Variants in OSMR observed in about 807,000 individuals in gnomAD.
The protein encoded by OSMR is oncostatin M receptor.
A neutral mutation model predicts 99.9 loss-of-function variants in OSMR; 81 were observed. The observed-to-expected ratio is 0.81, with a 90% CI of 0.68 to 0.97. OSMR has a LOEUF of 0.97. OSMR is among the 50% of genes least tolerant of loss of function. The pLI, the probability that OSMR is intolerant of heterozygous loss-of-function variation, is 0.00. For synonymous variants in OSMR, 406 were observed against 410.4 expected, an observed-to-expected ratio of 0.99 and a Z score of 0.13; for missense variants, 1,099 against 1,153.4, an observed-to-expected ratio of 0.95 and a Z score of 0.68.
In OSMR at chr5:38,932,002, A is replaced by G. The variant is rs760285180; in HGVS notation, c.2294+38A>G. The G allele has an allele frequency of 2.1e-6, 3 of 1,436,682 alleles. No individual in the cohort carries two copies. In the East Asian group the frequency reaches 6.8e-5, roughly 33 times the overall value. The allele number at this position is 1,436,682 out of a possible 1,614,324, so 89.0% of individuals were successfully genotyped here. On this transcript the variant is annotated intron_variant, in intron 16 of 17. Coordinates refer to ENST00000274276, the MANE Select transcript of OSMR (RefSeq NM_003999.3). ...GGAAGGTTTTATCCAAGAAGAGAGT[A>G]AGAGAAAAGTCTGGAAAGAGATTTA...
chr5:38,904,524 T>G (rs1745106324), intron 9 of OSMR, 21 bp downstream of exon 9: 1 of 1,614,036 alleles, frequency 6.2e-7, no homozygotes. Context: ...CCCCTGGCAT[T>G]TAACCCAAAG....
intron 15 of OSMR, among the ~76,000 whole-genome samples, chr5:38,930,668 CAG>C (rs1746683108): frequency 6.6e-6 from 1 of 152,106 alleles, no homozygotes; most frequent in Admixed American, 6.5e-5. Context: ...AGTCTAATAA[CAG>C]AGAGATACTC....
chr5:38,917,623 G>A lies in OSMR; in HGVS notation c.1362+1G>A, dbSNP rs764335544. On this transcript the variant is annotated splice_donor_variant, in intron 10 of 17. Transcript: ENST00000274276. LOFTEE classifies it high-confidence loss of function. ...TCATACTGTGACCTTATTCTGGAAG[G>A]TAAGATGTGCAGATTCCAAAAGTCT... 3.1e-6 allele frequency: 5 copies of A among 1,610,446 alleles called. No individual in the cohort carries two copies. In the East Asian group the frequency reaches 6.7e-5, roughly 22 times the overall value.
intron 1 of OSMR, among the ~76,000 whole-genome samples, chr5:38,846,594 C>T (rs1739839831): frequency 6.6e-6 from 1 of 152,220 alleles, no homozygotes; most frequent in African/African-American, 2.4e-5. Context: ...TACCTCTCCT[C>T]TCGTAACCCT....
chr5:38,944,577 G>T (rs2112803294), intron 2 of OSMR: 1 of 1,574,472 alleles, frequency 6.4e-7, no homozygotes. Flanking sequence ...CACCTGAAAA[G>T]ATTTCAGGGA....
intron 11 of OSMR, chr5:38,919,448 C>A: frequency 2.2e-6 from 2 of 896,734 alleles, no homozygotes; most frequent in Admixed American, 2.7e-5. Flanking sequence ...TGTTGTCAGT[C>A]TTTGCACCTG....
intron 9 of OSMR, among the ~76,000 whole-genome samples, chr5:38,913,004 G>A (rs1245635505): frequency 1.3e-5 from 2 of 152,088 alleles, no homozygotes; most frequent in South Asian, 4.1e-4. Flanking sequence ...CACCATTCTG[G>A]ACATTGGCCT....
At chr5:38,850,062 T>G (rs1341940750) in intron 1 of OSMR, among the ~76,000 whole-genome samples, 1 of 152,172 alleles carries the variant, frequency 6.6e-6, no homozygotes, top group Non-Finnish European at 1.5e-5. Flanking sequence ...GGTAGTATCC[T>G]AAGAGACAAA....
At chr5:38,874,772 A>G (rs1305141707) in intron 2 of OSMR, among the ~76,000 whole-genome samples, 2 of 152,176 alleles carry the variant, frequency 1.3e-5, no homozygotes, top group African/African-American at 4.8e-5. Context: ...ATTCCTATTT[A>G]ATTTCACATT....
intron 7 of OSMR, among the ~76,000 whole-genome samples, chr5:38,902,941 C>T (rs1341963853): frequency 6.6e-6 from 1 of 152,212 alleles, no homozygotes; most frequent in Non-Finnish European, 1.5e-5. Context: ...CCACCTCACC[C>T]ACATTCTCGG....
At chr5:38,892,245 T>G (rs1337521903) in intron 7 of OSMR, among the ~76,000 whole-genome samples, 1 of 152,086 alleles carries the variant, frequency 6.6e-6, no homozygotes, top group African/African-American at 2.4e-5. Flanking sequence ...TACCTGAACA[T>G]TTCAGCTGTG....
intron 1 of OSMR, among the ~76,000 whole-genome samples, chr5:38,862,846 C>G (rs1407104610): frequency 9.2e-5 from 14 of 151,648 alleles, no homozygotes; most frequent in African/African-American, 3.2e-4. Flanking sequence ...GAGCCGAGAT[C>G]ACACCACTGC....
chr5:38,941,493 T>A (rs1427115932), intron 1 of OSMR: 3 of 231,448 alleles, frequency 1.3e-5, no homozygotes, highest in Non-Finnish European at 2.6e-5. Flanking sequence ...AGATGGAAAG[T>A]TGATGAAAGT....
rs1221839535 is a variant in OSMR, at chr5:38,877,543, C to T, written c.246+1170C>T. 2.6e-5 allele frequency among the ~76,000 whole-genome samples: 4 copies of T among 152,220 alleles called. No homozygotes were observed. The East Asian group carries it at 7.7e-4, about 29-fold the overall frequency. Reference sequence around the variant, plus strand: ...TCCCTGCTATCAACACATCTTTCCACTATCTCACCTTATACTAGCAAGTCT... The same window carrying T: ...TCCCTGCTATCAACACATCTTTCCATTATCTCACCTTATACTAGCAAGTCT... On this transcript the variant is annotated intron_variant, in intron 3 of 17. Coordinates refer to ENST00000274276, the MANE Select transcript of OSMR (RefSeq NM_003999.3).
rs1561418448 is a variant in OSMR at position 38,934,539 on chromosome 5, T to C, written c.*1095T>C. The C allele has an allele frequency of 6.6e-6, 1 of 152,164 alleles. No individual in the cohort carries two copies. The highest frequency in any genetic ancestry group is 1.5e-5 in the Non-Finnish European group (1 of 68,020). 9.4% of individuals were successfully genotyped at this position (152,164 alleles called of 1,614,324 possible). Reference sequence around the variant, plus strand: ...AGCACCTGGTACACAACTGGTATTTTAGTACATGTTGGTTCTTTTGGTGCA... The same window carrying C: ...AGCACCTGGTACACAACTGGTATTTCAGTACATGTTGGTTCTTTTGGTGCA... On this transcript the variant is annotated 3_prime_UTR_variant, in exon 18 of 18. Transcript: ENST00000274276.
chr5:38,913,365 T>C (rs560280847), intron 9 of OSMR, among the ~76,000 whole-genome samples: 251 of 151,920 alleles, frequency 1.7e-3, no homozygotes, highest in African/African-American at 5.8e-3. Flanking sequence ...CTGGCTAACG[T>C]GGTGAAACCC....
At chr5:38,917,487 T>C in intron 9 of OSMR, 59 bp from the exon 10 acceptor site, 1 of 1,601,694 alleles carries the variant, frequency 6.2e-7, no homozygotes, top group Non-Finnish European at 8.5e-7. Context: ...AGAAAAAGGT[T>C]GAGCATATTG....
Position 38,924,418 on chromosome 5 carries a change from C to T in OSMR, c.1871-4C>T, listed in dbSNP as rs1189479571. The T allele has an allele frequency of 6.2e-7, 1 of 1,614,116 alleles. No homozygotes were observed. The highest frequency in any genetic ancestry group is 1.7e-5 in the Admixed American group (1 of 60,024). ...TTTTCTCTTATCCCAACTTCTTTTC[C>T]TAGCTCCTTCAGACAACCCTCACGT... On this transcript the variant is annotated splice_region_variant and splice_polypyrimidine_tract_variant and intron_variant, in intron 13 of 17. Coordinates refer to ENST00000274276, the MANE Select transcript of OSMR (RefSeq NM_003999.3).
chr5:38,889,074 C>T (rs1391382355), intron 7 of OSMR, among the ~76,000 whole-genome samples: 14 of 151,854 alleles, frequency 9.2e-5, no homozygotes, highest in Non-Finnish European at 1.5e-5. Flanking sequence ...TTAGAAGTCA[C>T]TTGGTTTTTT....
Sources: allele counts gnomAD v4.1 joint callset (sites outside exome capture counted in the v4.1 genomes callset), GRCh38; gene constraint gnomAD v4.1.1; transcripts MANE v1.5; gene names NCBI Gene and HGNC (gene_info 2026-07-23, HGNC 2026-07-21).